USP33: variants seen among roughly 807,000 people sequenced by gnomAD.
The protein encoded by USP33 is ubiquitin carboxyl-terminal hydrolase 33.
Under a neutral mutation model 124.2 loss-of-function variants are expected in USP33, and 46 were observed. The observed-to-expected ratio is 0.37, with a 90% confidence interval of 0.29 to 0.47. USP33 has a LOEUF of 0.47. Among genes scored for constraint, USP33 ranks in the 20% least tolerant of loss-of-function variants. USP33 has a pLI of 0.99. For missense variants in USP33, 851 were observed against 1,070.6 expected, an observed-to-expected ratio of 0.79 and a Z score of 2.86; for synonymous variants, 350 against 352.3, an observed-to-expected ratio of 0.99 and a Z score of 0.07.
chr1:77,711,874 A>C lies in USP33; in HGVS notation c.2298-19T>G. The stretch of plus-strand genomic sequence containing the variant: ...ACCATACCTAAAGCATGAAAAATTT[A>C]AGAATTAATGTTCTAGGAAGTTTGT... On this transcript the variant is annotated intron_variant, in intron 20 of 23. Transcript: ENST00000370794. 3 of 1,584,252 alleles carry C rather than the reference A, an allele frequency of 1.9e-6. No homozygotes were observed. In the South Asian group the frequency reaches 3.6e-5, roughly 19 times the overall value.
chr1:77,734,337 C>T lies in USP33; in HGVS notation c.524+10G>A, dbSNP rs1477587419. On this transcript the variant is annotated intron_variant, in intron 7 of 23. Transcript: ENST00000370794. ...TATACAAATAAAACAAAATTAATTT[C>T]TCTATTTACCAATTAGAAAGAGCCT... The T allele has an allele frequency of 6.4e-7, 1 of 1,553,616 alleles. No homozygotes were observed. Among genetic ancestry groups the T allele is most frequent in the African/African-American group, 1.4e-5 (1 of 72,162 alleles).
At chr1:77,719,285 G>C (rs1676285615) in intron 15 of USP33, among the ~76,000 whole-genome samples, 1 of 152,188 alleles carries the variant, frequency 6.6e-6, no homozygotes, top group African/African-American at 2.4e-5. Context: ...CTTGAACCCA[G>C]GAGGCAGAGG....
chr1:77,708,019 T>C (rs1167406780), intron 21 of USP33, among the ~76,000 whole-genome samples: 1 of 152,124 alleles, frequency 6.6e-6, no homozygotes, highest in African/African-American at 2.4e-5. Context: ...CTCCCAAATA[T>C]GGGGAAAGGG....
chr1:77,722,754 G>A (rs1254704520), intron 12 of USP33, among the ~76,000 whole-genome samples: 1 of 152,106 alleles, frequency 6.6e-6, no homozygotes, highest in African/African-American at 2.4e-5. Flanking sequence ...TTTTTGAGAT[G>A]TTATTTCATA....
chr1:77,697,555 T>A, intron 23 of USP33, 81 bp from the exon 24 acceptor site: 1 of 1,460,354 alleles, frequency 6.8e-7, no homozygotes, highest in East Asian at 2.3e-5. Context: ...CCCCCCAGCA[T>A]GAATCTTCTC....
chr1:77,703,748 TAACATA>T (rs1347349093), intron 21 of USP33, among the ~76,000 whole-genome samples: 6 of 152,154 alleles, frequency 3.9e-5, no homozygotes, highest in Non-Finnish European at 8.8e-5. Context: ...ATATAACATA[TAACATA>T]TTTATTAAAT....
intron 16 of USP33, 76 bp downstream of exon 16, chr1:77,718,516 AATTT>A: frequency 8.8e-7 from 1 of 1,130,382 alleles, no homozygotes; most frequent in East Asian, 2.4e-5. Flanking sequence ...AAGCAAAGAG[AATTT>A]ATTACTACAT....
At chr1:77,743,707 T>G (rs539510996) in intron 1 of USP33, among the ~76,000 whole-genome samples, 2 of 152,346 alleles carry the variant, frequency 1.3e-5, no homozygotes, top group Admixed American at 6.5e-5. Flanking sequence ...CTTTAAGGGT[T>G]GTTGGTATTC....
At chr1:77,699,983 G>A (rs1673821298) in intron 22 of USP33, among the ~76,000 whole-genome samples, 1 of 151,978 alleles carries the variant, frequency 6.6e-6, no homozygotes, top group Non-Finnish European at 1.5e-5. Context: ...ATAAGTGGGG[G>A]CTGAACAACA....
Position 77,721,156 on chromosome 1 carries a change from T to A in USP33, c.1691+16A>T. 4.3e-6 allele frequency: 7 copies of A among 1,613,696 alleles called. 1 individual carries two copies. In the South Asian group the frequency reaches 7.7e-5, roughly 18 times the overall value. On this transcript the variant is annotated intron_variant, in intron 15 of 23. Coordinates refer to ENST00000370794, the MANE Select transcript of USP33 (RefSeq NM_201624.3). ...ATACACAACATGCAATTAAAAGCAC[T>A]GTCAATGTCACTTACTTTTTGCATT... is the stretch of plus-strand genomic sequence containing the variant.
chr1:77,743,434 C>A (rs970789794), intron 1 of USP33, among the ~76,000 whole-genome samples: 1 of 152,082 alleles, frequency 6.6e-6, no homozygotes, highest in Non-Finnish European at 1.5e-5. Flanking sequence ...CGCTGCAACA[C>A]ACAAAATTCA....
chr1:77,704,992 C>A (rs2101198157), intron 21 of USP33, among the ~76,000 whole-genome samples: 1 of 152,072 alleles, frequency 6.6e-6, no homozygotes, highest in East Asian at 1.9e-4. Flanking sequence ...TGGCCCTTGG[C>A]TTGCTTCTTT....
chr1:77,727,290 T>C (rs544800566), intron 10 of USP33, among the ~76,000 whole-genome samples: 12 of 152,340 alleles, frequency 7.9e-5, no homozygotes, highest in Non-Finnish European at 2.9e-5. Context: ...GTCATCCCCT[T>C]GTTACTATGT....
At chr1:77,708,204 T>C (rs1183915210) in intron 21 of USP33, among the ~76,000 whole-genome samples, 2 of 152,214 alleles carry the variant, frequency 1.3e-5, no homozygotes, top group African/African-American at 4.8e-5. Flanking sequence ...ATATACTCCC[T>C]TCTGTGAAGA....
intron 1 of USP33, among the ~76,000 whole-genome samples, chr1:77,745,975 G>C (rs905774041): frequency 3.9e-5 from 6 of 152,084 alleles, no homozygotes; most frequent in Admixed American, 3.9e-4. Flanking sequence ...AAAAGAACTA[G>C]AGAAGAAAGA....
intron 17 of USP33, 191 bp downstream of exon 17, chr1:77,717,676 T>C (rs1270738996): frequency 2.8e-6 from 1 of 351,438 alleles, no homozygotes; most frequent in African/African-American, 2.1e-5. Context: ...ATTAGGATGT[T>C]TATTTATTTA....
chr1:77,712,574 A>C (rs1675380749), intron 20 of USP33, among the ~76,000 whole-genome samples: 1 of 152,162 alleles, frequency 6.6e-6, no homozygotes, highest in Non-Finnish European at 1.5e-5. Context: ...GCATGCCTGT[A>C]ATCCCAATAC....
At chr1:77,707,928 A>G (rs1674811785) in intron 21 of USP33, among the ~76,000 whole-genome samples, 1 of 152,244 alleles carries the variant, frequency 6.6e-6, no homozygotes, top group Admixed American at 6.5e-5. Flanking sequence ...ATAACAGGGA[A>G]AAGTGTGACT....
intron 21 of USP33, 30 bp from the exon 22 acceptor site, chr1:77,701,501 A>G: frequency 6.4e-7 from 1 of 1,565,178 alleles, no homozygotes; most frequent in East Asian, 2.2e-5. Context: ...CAGTCATCTA[A>G]TATCTAAAAC....
Sources: gnomAD v4.1 joint callset for allele counts (sites outside exome capture counted in the v4.1 genomes callset) on GRCh38, gnomAD v4.1.1 for gene constraint, MANE v1.5 for transcripts, NCBI Gene and HGNC (gene_info 2026-07-23, HGNC 2026-07-21) for gene names.